KMT2C: variants seen among roughly 807,000 people sequenced by gnomAD.
The protein encoded by KMT2C is histone-lysine N-methyltransferase 2C.
A neutral mutation model predicts 507.9 loss-of-function variants in KMT2C; 88 were observed. The observed-to-expected ratio is 0.17, with a 90% CI of 0.15 to 0.21. KMT2C has a LOEUF of 0.21. Ranked by LOEUF, KMT2C falls within the 10% of genes least tolerant of loss-of-function variation. The pLI, the probability that KMT2C is intolerant of heterozygous loss-of-function variation, is 1.00. For missense variants in KMT2C, 4,954 were observed against 5,957.8 expected (o/e 0.83, Z 5.55); for synonymous variants, 2,049 against 2,080.8 (o/e 0.98, Z 0.42).
chr7:152,419,916 G>A (rs562318472), intron 1 of KMT2C, among the ~76,000 whole-genome samples: 28 of 152,154 alleles, frequency 1.8e-4, no homozygotes, highest in Middle Eastern at 3.4e-3. Context: ...TTTTCTCTTC[G>A]GTAAAGTCTG....
chr7:152,139,128 C>T, intron 57 of KMT2C, 58 bp downstream of exon 57: 1 of 1,524,048 alleles, frequency 6.6e-7, no homozygotes, highest in Non-Finnish European at 9.1e-7. Context: ...AGTGTTCTCT[C>T]CACCAGCACT....
intron 9 of KMT2C, among the ~76,000 whole-genome samples, chr7:152,254,254 AATAC>A (rs1480387688): frequency 5.3e-5 from 8 of 151,078 alleles, no homozygotes; most frequent in Non-Finnish European, 1.2e-4. Context: ...CATCTTTTGA[AATAC>A]ATACACATAT....
chr7:152,200,936 T>C (rs2094117464), intron 26 of KMT2C, among the ~76,000 whole-genome samples: 1 of 152,052 alleles, frequency 6.6e-6, no homozygotes, highest in Admixed American at 6.6e-5. Context: ...CTATGAAAAA[T>C]CTAAAAATTC....
chr7:152,212,778 C>T (rs1231062377), intron 23 of KMT2C, among the ~76,000 whole-genome samples: 6 of 152,232 alleles, frequency 3.9e-5, no homozygotes, highest in African/African-American at 9.6e-5. Context: ...TGGTGGCTCA[C>T]GCCTGTAATC....
intron 23 of KMT2C, among the ~76,000 whole-genome samples, chr7:152,218,859 G>A (rs1328048654): frequency 6.6e-6 from 1 of 152,076 alleles, no homozygotes; most frequent in Non-Finnish European, 1.5e-5. Context: ...CACTGTCTGG[G>A]ATGCTCTTCT....
chr7:152,242,197 C>A (rs1053971223), intron 14 of KMT2C, among the ~76,000 whole-genome samples: 3 of 152,176 alleles, frequency 2.0e-5, no homozygotes, highest in African/African-American at 7.2e-5. Flanking sequence ...AATTAAAGAT[C>A]ATGCCCCTTT....
At chr7:152,145,388 A>G (rs185497229) in intron 53 of KMT2C, 93 bp from the exon 54 acceptor site, 6 of 1,260,670 alleles carry the variant, frequency 4.8e-6, no homozygotes, top group Non-Finnish European at 6.7e-6. Flanking sequence ...CGACAGAAAT[A>G]ACTCATCAGC....
chr7:152,158,037 T>C (rs1587770584), intron 44 of KMT2C: 1 of 662,014 alleles, frequency 1.5e-6, no homozygotes, highest in Non-Finnish European at 2.2e-6. Flanking sequence ...AAAATGAGAC[T>C]TAAAATTTTC....
At chr7:152,398,065 A>C (rs1486462567) in intron 1 of KMT2C, among the ~76,000 whole-genome samples, 2 of 152,110 alleles carry the variant, frequency 1.3e-5, no homozygotes, top group Non-Finnish European at 2.9e-5. Context: ...CTTCCTGACC[A>C]CCTTAGCCAC....
At chr7:152,383,937 C>G (rs1183730469) in intron 1 of KMT2C, among the ~76,000 whole-genome samples, 1 of 151,936 alleles carries the variant, frequency 6.6e-6, no homozygotes, top group African/African-American at 2.4e-5. Context: ...CAACACCAAT[C>G]ACTTTTTTAG....
intron 6 of KMT2C, among the ~76,000 whole-genome samples, chr7:152,302,586 T>TG (rs999476664): frequency 5.6e-4 from 85 of 152,192 alleles, no homozygotes; most frequent in African/African-American, 2.0e-3. Flanking sequence ...TACTTCTTTT[T>TG]GGGGGGCAAT....
intron 14 of KMT2C, among the ~76,000 whole-genome samples, chr7:152,239,339 C>T (rs1320430827): frequency 6.6e-6 from 1 of 152,054 alleles, no homozygotes; most frequent in South Asian, 2.1e-4. Context: ...TAAATGCATA[C>T]ACGTTAAACT....
intron 23 of KMT2C, among the ~76,000 whole-genome samples, chr7:152,209,500 G>A (rs2094402339): frequency 1.3e-5 from 2 of 150,716 alleles, no homozygotes; most frequent in Non-Finnish European, 3.0e-5. Context: ...AGTTAAGATG[G>A]CAGACTAAAT....
intron 2 of KMT2C, among the ~76,000 whole-genome samples, chr7:152,353,601 G>A (rs552279006): frequency 4.6e-5 from 7 of 152,030 alleles, no homozygotes; most frequent in Middle Eastern, 3.4e-3. Context: ...GGGCTCAAGC[G>A]ATCCTCCCAC....
At chr7:152,368,498 G>C in intron 1 of KMT2C, 1 of 1,298,778 alleles carries the variant, frequency 7.7e-7, no homozygotes. Context: ...CAGTGGCGCC[G>C]TGAGCTAATG....
chr7:152,297,057 G>GAA (rs756980169), intron 6 of KMT2C, among the ~76,000 whole-genome samples: 3,686 of 89,078 alleles, frequency 0.041, 72 homozygotes, highest in East Asian at 0.07. Context: ...AAGAAAGACA[G>GAA]AGAGAGAGAG....
At chr7:152,367,207 T>G (rs2097254469) in intron 1 of KMT2C, 1 of 1,494,376 alleles carries the variant, frequency 6.7e-7, no homozygotes, top group Admixed American at 1.8e-5. Flanking sequence ...GCTTTTCTAC[T>G]CAGCAGATGC....
chr7:152,148,298 T>C lies in KMT2C; in HGVS notation c.13629A>G (p.Glu4543=), dbSNP rs2129095052. The change falls in exon 52 of 59, where the codon GAA becomes GAG. Residue 4543 remains glutamate, a synonymous_variant. Coordinates refer to ENST00000262189, the MANE Select transcript of KMT2C (RefSeq NM_170606.3). This position sits in a 1 kb window ranked among gnomAD's most constrained non-coding sequence, Gnocchi z 7.1. ...TACCCACGCGAAAGGTATGGTCCCG[T>C]TCTCCTCGTTGCACGATGCTAGCAA... ...RQIASIVQRG[E]RDHTFRVGSL... 6.2e-7 allele frequency: 1 copy of C among 1,614,240 alleles called. No individual in the cohort carries two copies. The highest frequency in any genetic ancestry group is 8.5e-7 in the Non-Finnish European group (1 of 1,180,046).
chr7:152,389,303 TGCA>T (rs1037835789), intron 1 of KMT2C, among the ~76,000 whole-genome samples: 23 of 143,446 alleles, frequency 1.6e-4, no homozygotes, highest in Non-Finnish European at 2.8e-4. Context: ...AGGCCGAGAC[TGCA>T]GTGAGCAGAG....
Sources: gnomAD v4.1 joint callset for allele counts (sites outside exome capture counted in the v4.1 genomes callset) on GRCh38, gnomAD v4.1.1 for gene constraint, Gnocchi (gnomAD v3.1) non-coding constraint, MANE v1.5 for transcripts, NCBI Gene and HGNC (gene_info 2026-07-23, HGNC 2026-07-21) for gene names.